MRPL42: variants seen among roughly 807,000 people sequenced by gnomAD.
MRPL42 encodes the protein large ribosomal subunit protein mL42.
A neutral mutation model predicts 17.9 loss-of-function variants in MRPL42; 17 were observed. The ratio of observed to expected loss-of-function variants is 0.95; its 90% CI spans 0.65 to 1.42. The LOEUF (loss-of-function observed/expected upper bound fraction) is 1.42. MRPL42 is among the 40% of genes most tolerant of loss of function. The pLI is 0.00. For synonymous variants in MRPL42, 59 were observed against 54.4 expected (o/e 1.08, Z -0.37); for missense variants, 177 against 175.2 (o/e 1.01, Z -0.06).
At chr12:93,489,620 G>A (rs1281206557) in intron 5 of MRPL42, among the ~76,000 whole-genome samples, 3 of 151,982 alleles carry the variant, frequency 2.0e-5, no homozygotes, top group East Asian at 3.9e-4. Flanking sequence ...TGCAACTTCC[G>A]CCTCCCAGGT....
intron 3 of MRPL42, among the ~76,000 whole-genome samples, chr12:93,478,910 T>TTTTATTTATTTATTTA (rs142505304): frequency 4.4e-5 from 4 of 91,368 alleles, no homozygotes; most frequent in African/African-American, 1.2e-4. Context: ...TAATTTTAGC[T>TTTTATTTATTTATTTA]TTTATTTATT....
rs1425006756 is a variant in MRPL42 at position 93,505,718 on chromosome 12, A to T, written c.*4497A>T. 1 of 152,154 alleles carries T rather than the reference A, an allele frequency of 6.6e-6. No individual in the cohort carries two copies. The highest frequency in any genetic ancestry group is 1.5e-5 in the Non-Finnish European group (1 of 68,030). 9.4% of individuals were successfully genotyped at this position (152,154 alleles called of 1,614,324 possible). A position where few individuals can be genotyped will look rare whatever the true frequency, so the allele number is the denominator to read the frequency against. ...GTGCTTTCTAGTTTTGCACAAAGGC[A>T]TTCATTTTGATTTAGTAACAACCTC... On this transcript the variant is annotated 3_prime_UTR_variant, in exon 6 of 6. Coordinates refer to ENST00000549982, the MANE Select transcript of MRPL42 (RefSeq NM_014050.4).
intron 1 of MRPL42, among the ~76,000 whole-genome samples, chr12:93,468,045 G>A (rs895317017): frequency 3.3e-5 from 5 of 152,190 alleles, no homozygotes; most frequent in Non-Finnish European, 7.4e-5. Flanking sequence ...TACGTCCCAC[G>A]CATGTATTAA....
At chr12:93,494,851 A>G (rs1273029015) in intron 5 of MRPL42, among the ~76,000 whole-genome samples, 1 of 152,220 alleles carries the variant, frequency 6.6e-6, no homozygotes, top group Admixed American at 6.5e-5. Context: ...ATAGTATATT[A>G]ACTTTAGATA....
rs1422607039 is a variant in MRPL42, at chr12:93,509,747, C to G, written c.*8526C>G. 6.8e-6 allele frequency: 1 copy of G among 147,794 alleles called. No homozygotes were observed. Among genetic ancestry groups the G allele is most frequent in the Non-Finnish European group, 1.5e-5 (1 of 67,144 alleles). 9.2% of individuals were successfully genotyped at this position (147,794 alleles called of 1,614,324 possible). On this transcript the variant is annotated 3_prime_UTR_variant, in exon 6 of 6. Coordinates refer to ENST00000549982, the MANE Select transcript of MRPL42 (RefSeq NM_014050.4). ...AATAGCCACTGCACTGCAGCCTGGG[C>G]AACATAGTGAGATCCTCATCTCCTG...
rs1462555115 is a variant in MRPL42, at chr12:93,510,061, C to T, written c.*8840C>T. On this transcript the variant is annotated 3_prime_UTR_variant, in exon 6 of 6. Transcript: ENST00000549982. Reference sequence around the variant, plus strand: ...ATCCATCTTTATAGTCATGCAGAGTCTACACTGTCCTAAAAACCCTTGGCT... The same window carrying T: ...ATCCATCTTTATAGTCATGCAGAGTTTACACTGTCCTAAAAACCCTTGGCT... 2.0e-5 allele frequency: 3 copies of T among 152,388 alleles called. No individual in the cohort carries two copies. Among genetic ancestry groups the T allele is most frequent in the Non-Finnish European group, 4.4e-5 (3 of 68,086 alleles). The allele number at this position is 152,388 out of a possible 1,614,324, so 9.4% of individuals were successfully genotyped here. A position where few individuals can be genotyped will look rare whatever the true frequency, so the allele number is the denominator to read the frequency against.
chr12:93,476,220 GC>G (rs1880167459), intron 2 of MRPL42, among the ~76,000 whole-genome samples: 1 of 151,770 alleles, frequency 6.6e-6, no homozygotes, highest in Non-Finnish European at 1.5e-5. Context: ...ACAGAGTTTC[GC>G]TCTTGCACAG....
chr12:93,497,734 A>C (rs1302568920), intron 5 of MRPL42, among the ~76,000 whole-genome samples: 1 of 133,100 alleles, frequency 7.5e-6, no homozygotes, highest in Non-Finnish European at 1.7e-5. Context: ...TAGCCAGAGC[A>C]ATCAGGCAAG....
intron 5 of MRPL42, among the ~76,000 whole-genome samples, chr12:93,497,422 C>T (rs115800626): frequency 6.6e-6 from 1 of 152,138 alleles, no homozygotes; most frequent in Admixed American, 6.6e-5. Context: ...AAGGCTGATT[C>T]AAGATACGCA....
chr12:93,487,135 T>A (rs189808880), intron 4 of MRPL42, among the ~76,000 whole-genome samples: 6 of 152,284 alleles, frequency 3.9e-5, no homozygotes, highest in African/African-American at 7.2e-5. Context: ...AGATAGTTTT[T>A]AAATTTTTTT....
chr12:93,470,357 A>T, intron 2 of MRPL42: 1 of 814,926 alleles, frequency 1.2e-6, no homozygotes, highest in Non-Finnish European at 1.6e-6. Context: ...CAGAGTTTAT[A>T]GCTCTTATAA....
chr12:93,477,447 A>T (rs1880232451), intron 3 of MRPL42, among the ~76,000 whole-genome samples: 1 of 152,240 alleles, frequency 6.6e-6, no homozygotes, highest in Non-Finnish European at 1.5e-5. Context: ...TTTAGTCACT[A>T]TGATAAGAAC....
At chr12:93,484,512 C>T (rs1487817411) in intron 4 of MRPL42, among the ~76,000 whole-genome samples, 2 of 149,666 alleles carry the variant, frequency 1.3e-5, no homozygotes, top group African/African-American at 4.8e-5. Flanking sequence ...TGCACCATCA[C>T]TAGGTGACAG....
rs1269034011 is a variant in MRPL42, at chr12:93,509,461, T to C, written c.*8240T>C. 6.6e-6 allele frequency: 1 copy of C among 152,078 alleles called. No individual in the cohort carries two copies. The highest frequency in any genetic ancestry group is 1.5e-5 in the Non-Finnish European group (1 of 68,016). 9.4% of individuals were successfully genotyped at this position (152,078 alleles called of 1,614,324 possible). A position where few individuals can be genotyped will look rare whatever the true frequency, so the allele number is the denominator to read the frequency against. ...GTTCAAATCATTTGCTCTTTTTTTT[T>C]TCTTAGCACTTAAAAAAGACTTTTT... is the stretch of plus-strand genomic sequence containing the variant. On this transcript the variant is annotated 3_prime_UTR_variant, in exon 6 of 6. Coordinates refer to ENST00000549982, the MANE Select transcript of MRPL42 (RefSeq NM_014050.4).
chr12:93,469,321 G>C lies in MRPL42; in HGVS notation c.36G>C (p.Lys12Asn), dbSNP rs774565467. The change falls in exon 2 of 6, where the codon AAG (lysine) becomes AAC (asparagine). Residue 12 changes from lysine (K) to asparagine (N), a missense_variant. Lys to Asn is a moderately conservative substitution (Grantham distance 94, BLOSUM62 0). Transcript: ENST00000549982. ...CTGCAGTAAAATGGGTGATGTCAAA[G>C]AGAACTATCTTGAAACATTTATTTC... ...AVAAVKWVMS[K>N]RTILKHLFPV... 1 of 1,611,868 alleles carries C rather than the reference G, an allele frequency of 6.2e-7. No individual in the cohort carries two copies. Among genetic ancestry groups the C allele is most frequent in the East Asian group, 2.2e-5 (1 of 44,804 alleles).
Position 93,506,815 on chromosome 12 carries a change from T to C in MRPL42, c.*5594T>C, listed in dbSNP as rs1415901430. The C allele has an allele frequency of 6.6e-6, 1 of 152,226 alleles. No individual in the cohort carries two copies. The highest frequency in any genetic ancestry group is 1.5e-5 in the Non-Finnish European group (1 of 68,048). 9.4% of individuals were successfully genotyped at this position (152,226 alleles called of 1,614,324 possible). Reference sequence around the variant, plus strand: ...AATAATTGTCTTGATGAGTAATATATGTAGTCAGTAACATGGTTAAGTGTG... The same window carrying C: ...AATAATTGTCTTGATGAGTAATATACGTAGTCAGTAACATGGTTAAGTGTG... On this transcript the variant is annotated 3_prime_UTR_variant, in exon 6 of 6. Transcript: ENST00000549982.
rs1194598732 is a variant in MRPL42 at position 93,509,215 on chromosome 12, CT to C, written c.*7999del. 6.7e-6 allele frequency: 1 copy of C among 150,032 alleles called. No individual in the cohort carries two copies. Among genetic ancestry groups the C allele is most frequent in the Non-Finnish European group, 1.5e-5 (1 of 67,568 alleles). The allele number at this position is 150,032 out of a possible 1,614,324, so 9.3% of individuals were successfully genotyped here. A position where few individuals can be genotyped will look rare whatever the true frequency, so the allele number is the denominator to read the frequency against. On this transcript the variant is annotated 3_prime_UTR_variant, in exon 6 of 6. Coordinates refer to ENST00000549982, the MANE Select transcript of MRPL42 (RefSeq NM_014050.4). Reference sequence around the variant, plus strand: ...AAAAAAAAAAAAAACTGCCAAAACGCTTTTTGCAAAGTGGTTGTACCATTTT... The same window carrying C: ...AAAAAAAAAAAAAACTGCCAAAACGCTTTTGCAAAGTGGTTGTACCATTTT...
In MRPL42 at chr12:93,486,959, C is replaced by T. The variant is rs535640286; in HGVS notation, c.220-538C>T. ...AATTACAGGCATGAGCCACCACACCCGGCCTTTCTATTTTTCTTTCTCTTT... is the reference window on the plus strand; with the variant it reads ...AATTACAGGCATGAGCCACCACACCTGGCCTTTCTATTTTTCTTTCTCTTT... On this transcript the variant is annotated intron_variant, in intron 4 of 5. Transcript: ENST00000549982. Among the ~76,000 whole-genome samples, 102 of 151,968 alleles carry T rather than the reference C, an allele frequency of 6.7e-4. 1 individual carries two copies. The highest frequency in any genetic ancestry group is 3.4e-3 in the Middle Eastern group (1 of 294).
chr12:93,475,820 A>G (rs1880142508), intron 2 of MRPL42, among the ~76,000 whole-genome samples: 1 of 151,836 alleles, frequency 6.6e-6, no homozygotes, highest in Non-Finnish European at 1.5e-5. Context: ...CGTCTCTACT[A>G]AAAATACAAA....
Sources: gnomAD v4.1 joint callset for allele counts (sites outside exome capture counted in the v4.1 genomes callset) on GRCh38, gnomAD v4.1.1 for gene constraint, MANE v1.5 for transcripts, NCBI Gene and HGNC (gene_info 2026-07-23, HGNC 2026-07-21) for gene names.